THSD7B: variants seen among roughly 807,000 people sequenced by gnomAD.
THSD7B encodes thrombospondin type 1 domain containing 7B.
A neutral mutation model predicts 213.6 loss-of-function variants in THSD7B; 138 were observed. The observed-to-expected ratio is 0.65, with a 90% CI of 0.56 to 0.74. The LOEUF (loss-of-function observed/expected upper bound fraction) is 0.74, where lower values mean the gene tolerates loss of function less well. Among genes scored for constraint, THSD7B ranks in the 30% least tolerant of loss-of-function variants. THSD7B has a pLI of 0.00. For missense variants in THSD7B, 1,931 were observed against 1,991.5 expected, an observed-to-expected ratio of 0.97 and a Z score of 0.58; for synonymous variants, 742 against 687.0, an observed-to-expected ratio of 1.08 and a Z score of -1.25.
chr2:137,278,252 A>G (rs1451186929), intron 12 of THSD7B, among the ~76,000 whole-genome samples: 1 of 152,102 alleles, frequency 6.6e-6, no homozygotes, highest in African/African-American at 2.4e-5. Context: ...TCACTGTGAT[A>G]TTTCAGACCA....
At chr2:137,502,930 C>T (rs1455577325) in intron 15 of THSD7B, among the ~76,000 whole-genome samples, 1 of 152,032 alleles carries the variant, frequency 6.6e-6, no homozygotes, top group African/African-American at 2.4e-5. Context: ...TGGAAAAAGT[C>T]CATTCACTCT....
intron 1 of THSD7B, among the ~76,000 whole-genome samples, chr2:136,789,853 G>C (rs945014392): frequency 2.0e-5 from 3 of 152,050 alleles, no homozygotes; most frequent in Admixed American, 2.0e-4. Flanking sequence ...TTTGTGGAGG[G>C]GCTAGTTTAG....
intron 15 of THSD7B, among the ~76,000 whole-genome samples, chr2:137,520,494 T>C (rs1231104391): frequency 6.6e-6 from 1 of 152,238 alleles, no homozygotes; most frequent in African/African-American, 2.4e-5. Flanking sequence ...CTTATGTGTG[T>C]ATAGCTGAAT....
chr2:137,247,913 A>C (rs1268040284), intron 10 of THSD7B, among the ~76,000 whole-genome samples: 1 of 152,200 alleles, frequency 6.6e-6, no homozygotes, highest in Non-Finnish European at 1.5e-5. Flanking sequence ...AAATAAGGTA[A>C]TATTACCAGC....
At chr2:136,831,435 G>A (rs555018654) in intron 1 of THSD7B, among the ~76,000 whole-genome samples, 5 of 152,322 alleles carry the variant, frequency 3.3e-5, no homozygotes, top group Non-Finnish European at 7.3e-5. Context: ...CAGAGCTTGA[G>A]TTCCAACCTA....
At chr2:137,464,185 T>C (rs1180796907) in intron 15 of THSD7B, among the ~76,000 whole-genome samples, 2 of 152,042 alleles carry the variant, frequency 1.3e-5, no homozygotes, top group Non-Finnish European at 2.9e-5. Flanking sequence ...TACATTACAA[T>C]ATGATTTCCT....
At chr2:137,065,762 C>T (rs979810174) in intron 3 of THSD7B, among the ~76,000 whole-genome samples, 3 of 151,942 alleles carry the variant, frequency 2.0e-5, no homozygotes, top group African/African-American at 7.3e-5. Flanking sequence ...TACAACTATC[C>T]AAAGCCCACT....
rs192014671 is a variant in THSD7B, at chr2:136,853,024, G to A, written c.-35-29120G>A. 8.8e-4 allele frequency among the ~76,000 whole-genome samples: 134 copies of A among 151,720 alleles called. 1 individual carries two copies. Among genetic ancestry groups the A allele is most frequent in the African/African-American group, 3.1e-3 (130 of 41,400 alleles). On this transcript the variant is annotated intron_variant, in intron 1 of 27. Transcript: ENST00000409968. ...ATTTCCCCATCCCACCACTTTGCAT[G>A]TGTGTGTGTGTGCATGTGTGTGTGT...
At chr2:137,062,306 T>G (rs185174492) in intron 3 of THSD7B, among the ~76,000 whole-genome samples, 1 of 151,192 alleles carries the variant, frequency 6.6e-6, no homozygotes, top group East Asian at 2.0e-4. Flanking sequence ...GTTGATTTTT[T>G]TCTATTGATT....
At chr2:136,966,882 A>G (rs1685323838) in intron 2 of THSD7B, among the ~76,000 whole-genome samples, 1 of 152,116 alleles carries the variant, frequency 6.6e-6, no homozygotes, top group Non-Finnish European at 1.5e-5. Flanking sequence ...ACTGGAAATG[A>G]CTTTCTTTCA....
intron 12 of THSD7B, among the ~76,000 whole-genome samples, chr2:137,377,815 C>T (rs1314847560): frequency 6.6e-6 from 1 of 151,952 alleles, no homozygotes; most frequent in African/African-American, 2.4e-5. Flanking sequence ...TTAGTAGAGA[C>T]AGGGTTTCAC....
intron 15 of THSD7B, among the ~76,000 whole-genome samples, chr2:137,499,593 A>G (rs1284620090): frequency 6.6e-6 from 1 of 152,208 alleles, no homozygotes; most frequent in East Asian, 1.9e-4. Flanking sequence ...GCCTTTCAAC[A>G]CTGAAAGGTT....
chr2:137,057,128 G>T lies in THSD7B; in HGVS notation c.848G>T (p.Ser283Ile). 6.2e-7 allele frequency: 1 copy of T among 1,613,912 alleles called. No individual in the cohort carries two copies. The highest frequency in any genetic ancestry group is 8.5e-7 in the Non-Finnish European group (1 of 1,179,880). ...SNERVTFKHQ[S>I]YKAHHHSKSW... ...GAGCGAGTCACCTTTAAACATCAAA[G>T]TTACAAAGCACATCATCATTCGAAG... The change falls in exon 3 of 28, where the codon AGT (serine) becomes ATT (isoleucine). Residue 283 changes from serine (S) to isoleucine (I), a missense_variant. Physicochemically the swap from Ser to Ile is moderately radical, Grantham distance 142. Coordinates refer to ENST00000409968, the MANE Select transcript of THSD7B (RefSeq NM_001316349.2).
intron 1 of THSD7B, among the ~76,000 whole-genome samples, chr2:136,849,532 T>C (rs769440603): frequency 1.3e-4 from 20 of 152,166 alleles, no homozygotes; most frequent in Non-Finnish European, 2.4e-4. Flanking sequence ...GAAAATCTTC[T>C]TGCTAGAGAG....
chr2:136,915,314 A>G (rs1272669481), intron 2 of THSD7B, among the ~76,000 whole-genome samples: 1 of 152,240 alleles, frequency 6.6e-6, no homozygotes, highest in Non-Finnish European at 1.5e-5. Flanking sequence ...TACTCAGTCC[A>G]GAGATGGAGA....
chr2:137,015,655 G>A (rs1189706020), intron 2 of THSD7B, among the ~76,000 whole-genome samples: 2 of 152,158 alleles, frequency 1.3e-5, no homozygotes, highest in African/African-American at 2.4e-5. Context: ...TGCAGCTGGT[G>A]TTAAAAGAGC....
chr2:137,421,875 A>G (rs967300996), intron 14 of THSD7B, among the ~76,000 whole-genome samples: 15 of 152,226 alleles, frequency 9.9e-5, no homozygotes, highest in African/African-American at 3.6e-4. Flanking sequence ...AACCTGGATG[A>G]ACACCAATAT....
rs977136983 is a variant in THSD7B at position 137,228,095 on chromosome 2, C to T, written c.1724-2949C>T. Among the ~76,000 whole-genome samples the T allele has an allele frequency of 2.7e-5, 4 of 150,824 alleles. No individual in the cohort carries two copies. In the East Asian group the frequency reaches 5.8e-4, roughly 22 times the overall value. On this transcript the variant is annotated intron_variant, in intron 7 of 27. Coordinates refer to ENST00000409968, the MANE Select transcript of THSD7B (RefSeq NM_001316349.2). ...GGTAGCTACAACTCACCTTAATACA[C>T]TTAATTGAGTCTGGCTAGACACATT...
chr2:137,430,523 A>G (rs994138249), intron 14 of THSD7B, among the ~76,000 whole-genome samples: 1 of 152,196 alleles, frequency 6.6e-6, no homozygotes, highest in Non-Finnish European at 1.5e-5. Context: ...GAATTGCCCA[A>G]GGGCTGCCCC....
Sources: gnomAD v4.1 joint callset for allele counts (sites outside exome capture counted in the v4.1 genomes callset) on GRCh38, gnomAD v4.1.1 for gene constraint, MANE v1.5 for transcripts, NCBI Gene and HGNC (gene_info 2026-07-23, HGNC 2026-07-21) for gene names.